NT5C2: variants seen among roughly 807,000 people sequenced by gnomAD.
The protein encoded by NT5C2 is cytosolic purine 5'-nucleotidase.
Under a neutral mutation model 76.1 loss-of-function variants are expected in NT5C2, and 58 were observed. The ratio of observed to expected loss-of-function variants is 0.76; its 90% confidence interval spans 0.62 to 0.95. NT5C2 has a LOEUF of 0.95. Among genes scored for constraint, NT5C2 ranks in the 40% least tolerant of loss-of-function variants. NT5C2 has a pLI of 0.00. For synonymous variants in NT5C2, 229 were observed against 237.4 expected (o/e 0.96, Z 0.32); for missense variants, 478 against 690.3 (o/e 0.69, Z 3.45).
chr10:103,176,898 T>A (rs1266431460), intron 2 of NT5C2, among the ~76,000 whole-genome samples: 1 of 152,282 alleles, frequency 6.6e-6, no homozygotes, highest in African/African-American at 2.4e-5. Flanking sequence ...AAGAAAGCAT[T>A]AGGCTTTGGG....
At chr10:103,173,874 TC>T (rs2089031808) in intron 3 of NT5C2, among the ~76,000 whole-genome samples, 1 of 151,794 alleles carries the variant, frequency 6.6e-6, no homozygotes, top group African/African-American at 2.4e-5. Context: ...GGCAGGTGGA[TC>T]ACCTGAGGTC....
intron 18 of NT5C2, 157 bp from the exon 19 acceptor site, chr10:103,090,065 A>G: frequency 1.9e-6 from 1 of 530,130 alleles, no homozygotes; most frequent in Non-Finnish European, 3.2e-6. Context: ...AACTACTTAT[A>G]GTTGCCTGTC....
chr10:103,177,731 G>T (rs1340753201), intron 2 of NT5C2, among the ~76,000 whole-genome samples: 1 of 152,104 alleles, frequency 6.6e-6, no homozygotes, highest in African/African-American at 2.4e-5. Flanking sequence ...GTCTCATTAT[G>T]TTGTCCAGGC....
chr10:103,130,283 G>A (rs1286626272), intron 4 of NT5C2, among the ~76,000 whole-genome samples: 2 of 151,820 alleles, frequency 1.3e-5, no homozygotes, highest in Non-Finnish European at 2.9e-5. Context: ...TGAAACATGC[G>A]CTGTGTCCAC....
At chr10:103,109,528 T>TA (rs2072363971) in intron 4 of NT5C2, among the ~76,000 whole-genome samples, 1 of 152,246 alleles carries the variant, frequency 6.6e-6, no homozygotes, top group Non-Finnish European at 1.5e-5. Flanking sequence ...TTTAATGAAA[T>TA]AAAGTTCCAG....
chr10:103,193,037 A>G (rs1273387782), intron 1 of NT5C2, among the ~76,000 whole-genome samples, 199 bp downstream of exon 1: 18 of 144,852 alleles, frequency 1.2e-4, no homozygotes, highest in East Asian at 4.3e-4. Context: ...GGGAGTTGGG[A>G]GGCGTGCGGC....
chr10:103,089,821 C>T lies in NT5C2; in HGVS notation c.1537G>A (p.Asp513Asn). 6.2e-7 allele frequency: 1 copy of T among 1,614,054 alleles called. No homozygotes were observed. Among genetic ancestry groups the T allele is most frequent in the Non-Finnish European group, 8.5e-7 (1 of 1,179,960 alleles). ...CGCTTGTAGTCAGTGTCTTTGAAAT[C>T]CACTGATGTGCGGTTCCGGGTGGCA... ...PLATRNRTSV[D>N]FKDTDYKRHQ... The change falls in exon 19 of 19, where the codon GAT becomes AAT. Residue 513 changes from aspartate to asparagine, a missense_variant. Asp to Asn is a conservative substitution (Grantham distance 23). Transcript: ENST00000404739.
At chr10:103,143,888 A>C (rs1189952824) in intron 3 of NT5C2, among the ~76,000 whole-genome samples, 1 of 152,020 alleles carries the variant, frequency 6.6e-6, no homozygotes, top group South Asian at 2.1e-4. Flanking sequence ...CCAAGAGGTC[A>C]AGGCTGCAGC....
intron 4 of NT5C2, among the ~76,000 whole-genome samples, chr10:103,108,199 G>A (rs1304389063): frequency 6.6e-6 from 1 of 151,980 alleles, no homozygotes; most frequent in African/African-American, 2.4e-5. Flanking sequence ...CCTTTAAATA[G>A]GTTTCTTCCA....
At chr10:103,176,783 C>T (rs1161274459) in intron 2 of NT5C2, among the ~76,000 whole-genome samples, 2 of 152,174 alleles carry the variant, frequency 1.3e-5, no homozygotes, top group Non-Finnish European at 2.9e-5. Context: ...GCTGGGATTA[C>T]AGTTGGGAGC....
In NT5C2 at chr10:103,089,691, T is replaced by C. The variant is rs1311075282; in HGVS notation, c.1667A>G (p.Glu556Gly). The C allele has an allele frequency of 6.2e-7, 1 of 1,608,602 alleles. No individual in the cohort carries two copies. Among genetic ancestry groups the C allele is most frequent in the Non-Finnish European group, 8.5e-7 (1 of 1,177,270 alleles). Residue 556 changes from glutamate to glycine, a missense_variant, in exon 19 of 19, where the codon GAG (glutamate) becomes GGG (glycine). Coordinates refer to ENST00000404739, the MANE Select transcript of NT5C2 (RefSeq NM_001351169.2). ...HCHDEDDDEE[E>G]EEEEE The stretch of plus-strand genomic sequence containing the variant: ...TCCTCCTTATTCTTCCTCCTCCTCC[T>C]CCTCTTCATCATCATCTTCGTCATG...
intron 4 of NT5C2, among the ~76,000 whole-genome samples, chr10:103,133,750 G>GA (rs1565125461): frequency 1.3e-5 from 2 of 152,228 alleles, no homozygotes; most frequent in African/African-American, 4.8e-5. Context: ...CAGAAGAAGA[G>GA]AGAAAAATGT....
chr10:103,099,331 TCA>T (rs1452214926), intron 9 of NT5C2, among the ~76,000 whole-genome samples: 4 of 152,174 alleles, frequency 2.6e-5, no homozygotes, highest in African/African-American at 9.6e-5. Flanking sequence ...TGCCTTGGCA[TCA>T]CAAAGTGCTG....
intron 4 of NT5C2, among the ~76,000 whole-genome samples, chr10:103,117,081 G>A (rs2074524379): frequency 6.6e-6 from 1 of 151,130 alleles, no homozygotes; most frequent in South Asian, 2.1e-4. Flanking sequence ...TTTAAATAAG[G>A]GACGACACCA....
intron 3 of NT5C2, among the ~76,000 whole-genome samples, chr10:103,160,752 C>A (rs11191584): frequency 6.6e-6 from 1 of 152,074 alleles, no homozygotes; most frequent in Non-Finnish European, 1.5e-5. Context: ...CGGTGGCTCA[C>A]GCCTGTAATC....
At chr10:103,157,261 G>A (rs2083617620) in intron 3 of NT5C2, among the ~76,000 whole-genome samples, 1 of 151,894 alleles carries the variant, frequency 6.6e-6, no homozygotes, top group Admixed American at 6.6e-5. Flanking sequence ...CTAATCCAAG[G>A]AACTAAAAAA....
intron 4 of NT5C2, among the ~76,000 whole-genome samples, chr10:103,128,074 CCTCTCCCTCTCCCT>C (rs1442093350): frequency 3.5e-5 from 5 of 142,404 alleles, no homozygotes; most frequent in African/African-American, 1.4e-4. Flanking sequence ...TCTCCCTCTC[CCTCTCCCTCTCCCT>C]CTGTCTCCCT....
At chr10:103,161,880 G>A (rs1410826893) in intron 3 of NT5C2, among the ~76,000 whole-genome samples, 1 of 152,208 alleles carries the variant, frequency 6.6e-6, no homozygotes, top group African/African-American at 2.4e-5. Context: ...GGGCTGGAGA[G>A]AGAGGGAAAC....
intron 4 of NT5C2, among the ~76,000 whole-genome samples, chr10:103,136,148 T>C (rs574631697): frequency 6.6e-6 from 1 of 152,300 alleles, no homozygotes; most frequent in East Asian, 1.9e-4. Context: ...ATCAGCAGCA[T>C]GAAAACAGAC....
Sources: allele counts gnomAD v4.1 joint callset (sites outside exome capture counted in the v4.1 genomes callset), GRCh38; gene constraint gnomAD v4.1.1; transcripts MANE v1.5; gene names NCBI Gene and HGNC (gene_info 2026-07-23, HGNC 2026-07-21).